Variants in MAGI2 observed in about 807,000 individuals in gnomAD.
MAGI2 encodes membrane associated guanylate kinase, WW and PDZ domain containing 2, also known as membrane-associated guanylate kinase, WW and PDZ domain-containing protein 2.
Under a neutral mutation model 133.3 loss-of-function variants are expected in MAGI2, and 35 were observed. That is an observed-to-expected ratio of 0.26 (90% CI 0.20 to 0.35). MAGI2 has a LOEUF of 0.35. Ranked by LOEUF, MAGI2 falls within the 10% of genes least tolerant of loss-of-function variation. The pLI is 1.00. For missense variants in MAGI2, 1,636 were observed against 1,863.4 expected (o/e 0.88, Z 2.25); for synonymous variants, 729 against 710.6 (o/e 1.03, Z -0.41).
intron 9 of MAGI2, among the ~76,000 whole-genome samples, chr7:78,265,625 T>A (rs1463115157): frequency 1.3e-5 from 2 of 152,344 alleles, no homozygotes; most frequent in Middle Eastern, 3.4e-3. Flanking sequence ...TGTACTCTTC[T>A]GTGGGTTATG....
intron 6 of MAGI2, among the ~76,000 whole-genome samples, chr7:78,424,785 T>C (rs1288269024): frequency 6.6e-6 from 1 of 152,160 alleles, no homozygotes; most frequent in Non-Finnish European, 1.5e-5. Flanking sequence ...TGTAGCCCCT[T>C]TGTTTTGTCC....
intron 21 of MAGI2, among the ~76,000 whole-genome samples, chr7:78,043,144 G>T (rs1442644286): frequency 6.6e-6 from 1 of 152,190 alleles, no homozygotes; most frequent in East Asian, 1.9e-4. Context: ...CTGCCTGTGT[G>T]AAATAATTAG....
chr7:78,889,641 G>A (rs190511011), intron 2 of MAGI2, among the ~76,000 whole-genome samples: 2 of 152,142 alleles, frequency 1.3e-5, no homozygotes, highest in Non-Finnish European at 2.9e-5. Flanking sequence ...CTTCATAAGT[G>A]AAGGAGAAAT....
intron 2 of MAGI2, among the ~76,000 whole-genome samples, chr7:78,882,257 A>G (rs1356236665): frequency 6.6e-6 from 1 of 151,808 alleles, no homozygotes; most frequent in South Asian, 2.1e-4. Flanking sequence ...CACAAACTAG[A>G]AAATCTAGAG....
intron 1 of MAGI2, among the ~76,000 whole-genome samples, chr7:79,210,498 T>C (rs1402066030): frequency 6.6e-6 from 1 of 152,040 alleles, no homozygotes; most frequent in Non-Finnish European, 1.5e-5. Context: ...CCCAAGTGAC[T>C]AATAATAGTC....
intron 20 of MAGI2, among the ~76,000 whole-genome samples, chr7:78,106,814 C>T (rs767356707): frequency 2.1e-4 from 32 of 152,094 alleles, no homozygotes; most frequent in Admixed American, 4.6e-4. Context: ...TGGGTTGTCT[C>T]TTCACTCTCT....
chr7:78,195,428 G>A (rs59291803), intron 11 of MAGI2, among the ~76,000 whole-genome samples: 174 of 152,306 alleles, frequency 1.1e-3, no homozygotes, highest in African/African-American at 3.9e-3. Context: ...TATGGTATTA[G>A]TTGTTCCTTT....
At chr7:79,271,721 C>A (rs1270013454) in intron 1 of MAGI2, among the ~76,000 whole-genome samples, 1 of 143,952 alleles carries the variant, frequency 6.9e-6, no homozygotes, top group Non-Finnish European at 1.5e-5. Context: ...GAGATTTTAA[C>A]GGTTGCCACC....
chr7:78,770,009 T>C (rs747263905), intron 2 of MAGI2, among the ~76,000 whole-genome samples: 21 of 152,320 alleles, frequency 1.4e-4, no homozygotes, highest in Middle Eastern at 3.4e-3. Flanking sequence ...CTAATACCTC[T>C]GGGCAGTTTA....
chr7:78,711,852 T>C (rs1213392167), intron 2 of MAGI2, among the ~76,000 whole-genome samples: 1 of 152,178 alleles, frequency 6.6e-6, no homozygotes, highest in East Asian at 1.9e-4. Context: ...GTGTGTATAA[T>C]CCAAAATGGT....
intron 2 of MAGI2, among the ~76,000 whole-genome samples, chr7:78,669,486 A>T (rs1814070660): frequency 6.6e-6 from 1 of 152,214 alleles, no homozygotes; most frequent in Non-Finnish European, 1.5e-5. Context: ...AAATTCTACC[A>T]GAGGTACAAG....
chr7:78,569,846 C>T (rs192448887), intron 3 of MAGI2, among the ~76,000 whole-genome samples: 134 of 152,312 alleles, frequency 8.8e-4, no homozygotes, highest in Middle Eastern at 6.8e-3. Context: ...CACCACTGAT[C>T]ACTTTCATCA....
At chr7:78,275,345 C>T (rs952020589) in intron 9 of MAGI2, among the ~76,000 whole-genome samples, 3 of 152,200 alleles carry the variant, frequency 2.0e-5, no homozygotes, top group East Asian at 1.9e-4. Context: ...TCACCTGCCT[C>T]GATCTCGCTG....
chr7:78,365,126 C>T (rs1254639668), intron 7 of MAGI2, among the ~76,000 whole-genome samples: 1 of 152,032 alleles, frequency 6.6e-6, no homozygotes, highest in African/African-American at 2.4e-5. Flanking sequence ...TAAGGATTCC[C>T]TTTCTTTCAC....
chr7:78,134,287 G>A (rs557672270), intron 17 of MAGI2: 1 of 152,344 alleles, frequency 6.6e-6, no homozygotes, highest in South Asian at 2.1e-4. Context: ...ACCAAGTTGA[G>A]TGAGCCCATC....
intron 1 of MAGI2, among the ~76,000 whole-genome samples, chr7:79,245,896 C>A (rs2129555328): frequency 6.6e-6 from 1 of 152,282 alleles, no homozygotes; most frequent in Non-Finnish European, 1.5e-5. Flanking sequence ...GCTGGAGTCA[C>A]CCTTCCCCCA....
At chr7:78,477,696 C>T (rs528603503) in intron 6 of MAGI2, among the ~76,000 whole-genome samples, 65 of 152,030 alleles carry the variant, frequency 4.3e-4, no homozygotes, top group Middle Eastern at 3.4e-3. Context: ...ATTATTTCCA[C>T]CTGGCCCCGC....
At chr7:78,556,076 C>G (rs887380494) in intron 3 of MAGI2, among the ~76,000 whole-genome samples, 3 of 151,984 alleles carry the variant, frequency 2.0e-5, no homozygotes, top group African/African-American at 7.3e-5. Context: ...TCATAATGCC[C>G]TATATTTGCT....
intron 2 of MAGI2, among the ~76,000 whole-genome samples, chr7:78,935,594 C>A (rs1800449274): frequency 1.3e-5 from 2 of 152,058 alleles, no homozygotes; most frequent in Admixed American, 1.3e-4. Context: ...TATAACAACT[C>A]CTAAAGGTTC....
Sources: allele counts gnomAD v4.1 joint callset (sites outside exome capture counted in the v4.1 genomes callset), GRCh38; gene constraint gnomAD v4.1.1; transcripts MANE v1.5; gene names NCBI Gene and HGNC (gene_info 2026-07-23, HGNC 2026-07-21).